Variants in NPAS3 observed in about 807,000 individuals in gnomAD.
NPAS3 encodes neuronal PAS domain protein 3.
In NPAS3, 14 loss-of-function variants were observed where a neutral mutation model predicts 73.1. That is an observed-to-expected ratio of 0.19 (90% CI 0.13 to 0.30). The LOEUF (loss-of-function observed/expected upper bound fraction) is 0.30, where lower values mean the gene tolerates loss of function less well. NPAS3 is among the 10% of genes least tolerant of loss of function. The probability of loss-of-function intolerance (pLI) is 1.00; values close to 1 mark genes in which losing one functional copy is unlikely to be tolerated. For synonymous variants in NPAS3, 620 were observed against 541.5 expected, an observed-to-expected ratio of 1.14 and a Z score of -2.01; for missense variants, 1,096 against 1,250.0, an observed-to-expected ratio of 0.88 and a Z score of 1.86.
chr14:33,636,630 C>T (rs1266712816), intron 5 of NPAS3, among the ~76,000 whole-genome samples: 1 of 152,080 alleles, frequency 6.6e-6, no homozygotes, highest in Admixed American at 6.5e-5. Flanking sequence ...CAGCCGCTGC[C>T]AGAAATCATA....
intron 1 of NPAS3, among the ~76,000 whole-genome samples, chr14:33,009,474 A>G (rs1482222155): frequency 6.6e-6 from 1 of 152,156 alleles, no homozygotes; most frequent in Non-Finnish European, 1.5e-5. Context: ...TGAGGCAGAG[A>G]GCATCTTTAG....
At chr14:33,220,297 T>C (rs2139704610) in intron 3 of NPAS3, among the ~76,000 whole-genome samples, 1 of 152,264 alleles carries the variant, frequency 6.6e-6, no homozygotes, top group East Asian at 1.9e-4. Context: ...AGGTGGTGGG[T>C]ACCCAGTGGA....
chr14:33,576,198 C>T (rs925244042), intron 5 of NPAS3, among the ~76,000 whole-genome samples: 14 of 152,206 alleles, frequency 9.2e-5, no homozygotes, highest in South Asian at 2.1e-4. Context: ...TTGCATTTGG[C>T]GTCATAAACT....
intron 9 of NPAS3, among the ~76,000 whole-genome samples, chr14:33,785,611 A>G (rs935331767): frequency 1.3e-5 from 2 of 152,142 alleles, no homozygotes; most frequent in African/African-American, 4.8e-5. Context: ...CATATCTCAA[A>G]AAACATCAAA....
intron 7 of NPAS3, among the ~76,000 whole-genome samples, chr14:33,742,844 T>C (rs2061689393): frequency 6.6e-6 from 1 of 152,230 alleles, no homozygotes; most frequent in Non-Finnish European, 1.5e-5. Context: ...GCAATGGCCA[T>C]GGCATCTTCA....
intron 6 of NPAS3, among the ~76,000 whole-genome samples, chr14:33,698,851 G>A (rs910251713): frequency 3.9e-5 from 6 of 152,186 alleles, no homozygotes; most frequent in Non-Finnish European, 8.8e-5. Flanking sequence ...TAAACCATGG[G>A]CCAAAATATC....
chr14:33,693,767 TG>T (rs2140419736), intron 6 of NPAS3, among the ~76,000 whole-genome samples: 1 of 152,322 alleles, frequency 6.6e-6, no homozygotes, highest in African/African-American at 2.4e-5. Context: ...AATTACACAG[TG>T]GTGTTCCTTT....
chr14:33,315,917 T>G (rs2043191626), intron 3 of NPAS3, among the ~76,000 whole-genome samples: 1 of 152,084 alleles, frequency 6.6e-6, no homozygotes, highest in Non-Finnish European at 1.5e-5. Context: ...GAGCAGTTTT[T>G]GTGCCAGAAC....
chr14:33,464,498 G>A (rs1427441864), intron 4 of NPAS3, among the ~76,000 whole-genome samples: 1 of 152,158 alleles, frequency 6.6e-6, no homozygotes, highest in African/African-American at 2.4e-5. Context: ...ATAGCAGAGA[G>A]CCTGAAGCCA....
chr14:33,117,233 A>G (rs2043097673), intron 2 of NPAS3, among the ~76,000 whole-genome samples: 1 of 151,964 alleles, frequency 6.6e-6, no homozygotes. Context: ...CTTTAGCATT[A>G]TTTTTGTATA....
intron 5 of NPAS3, among the ~76,000 whole-genome samples, chr14:33,632,870 T>A (rs755312003): frequency 1.5e-4 from 22 of 151,588 alleles, no homozygotes; most frequent in Admixed American, 3.9e-4. Flanking sequence ...GTCCATAGAG[T>A]TTGGGTGGCT....
chr14:33,241,053 T>C (rs2048199055), intron 3 of NPAS3, among the ~76,000 whole-genome samples: 1 of 151,920 alleles, frequency 6.6e-6, no homozygotes, highest in African/African-American at 2.4e-5. Context: ...GAGTTTACCA[T>C]AGCTCTATTT....
At chr14:33,102,266 T>C (rs918837089) in intron 2 of NPAS3, among the ~76,000 whole-genome samples, 3 of 152,128 alleles carry the variant, frequency 2.0e-5, no homozygotes, top group African/African-American at 4.8e-5. Flanking sequence ...CAAGTAAGGA[T>C]TGATTTTGAA....
chr14:33,465,305 T>G (rs2050455730), intron 4 of NPAS3, among the ~76,000 whole-genome samples: 1 of 152,182 alleles, frequency 6.6e-6, no homozygotes, highest in Admixed American at 6.5e-5. Context: ...AAACACGTAA[T>G]TTTATTAAGA....
At chr14:33,797,342 C>G (rs1049476963) in intron 10 of NPAS3, 115 bp from the exon 11 acceptor site, 1 of 1,164,824 alleles carries the variant, frequency 8.6e-7, no homozygotes. Context: ...CATGTTTAGT[C>G]TTTGAAACTT....
intron 5 of NPAS3, among the ~76,000 whole-genome samples, chr14:33,584,393 T>C (rs1391898111): frequency 1.0e-5 from 1 of 96,614 alleles, no homozygotes; most frequent in Non-Finnish European, 2.1e-5. Flanking sequence ...CATAGATGGA[T>C]GTTTATTTAA....
At chr14:33,768,732 A>G (rs185784662) in intron 7 of NPAS3, among the ~76,000 whole-genome samples, 22 of 152,358 alleles carry the variant, frequency 1.4e-4, no homozygotes, top group Admixed American at 1.4e-3. Flanking sequence ...TACCAGAACC[A>G]GGACTGAAAA....
chr14:33,380,814 G>A (rs936988351), intron 4 of NPAS3, among the ~76,000 whole-genome samples: 1 of 152,004 alleles, frequency 6.6e-6, no homozygotes, highest in Admixed American at 6.6e-5. Context: ...TTGTCAGGTC[G>A]GAGCAGCTCT....
At chr14:33,694,450 C>T in intron 6 of NPAS3, among the ~76,000 whole-genome samples, 1 of 152,148 alleles carries the variant, frequency 6.6e-6, no homozygotes, top group East Asian at 1.9e-4. Context: ...CTGCGTATAA[C>T]ATTTCCTCTC....
Sources: allele counts gnomAD v4.1 joint callset (sites outside exome capture counted in the v4.1 genomes callset), GRCh38; gene constraint gnomAD v4.1.1; transcripts MANE v1.5; gene names NCBI Gene and HGNC (gene_info 2026-07-23, HGNC 2026-07-21).